SLC35F1: variants seen among roughly 807,000 people sequenced by gnomAD.
SLC35F1 encodes the protein solute carrier family 35 member F1, also known as chromosome 6 open reading frame 169.
SLC35F1 carries 14 observed loss-of-function variants against 48.7 expected under a neutral mutation model. The observed-to-expected ratio is 0.29, with a 90% CI of 0.19 to 0.45. The LOEUF (loss-of-function observed/expected upper bound fraction) is 0.45, where lower values mean the gene tolerates loss of function less well. Among genes scored for constraint, SLC35F1 ranks in the 20% least tolerant of loss-of-function variants. SLC35F1 has a pLI of 1.00. For synonymous variants in SLC35F1, 190 were observed against 202.2 expected (o/e 0.94, Z 0.51); for missense variants, 404 against 500.0 (o/e 0.81, Z 1.83).
intron 3 of SLC35F1, among the ~76,000 whole-genome samples, chr6:118,259,004 T>C (rs1273532401): frequency 2.0e-5 from 3 of 151,810 alleles, no homozygotes; most frequent in African/African-American, 7.2e-5. Flanking sequence ...AATGAGCTTA[T>C]AAATAAATAT....
intron 1 of SLC35F1, among the ~76,000 whole-genome samples, chr6:117,942,287 A>G (rs1776242860): frequency 6.6e-6 from 1 of 152,166 alleles, no homozygotes; most frequent in African/African-American, 2.4e-5. Flanking sequence ...AATTACATAG[A>G]CACTGAGAGC....
intron 1 of SLC35F1, among the ~76,000 whole-genome samples, chr6:118,145,237 T>G (rs961197508): frequency 1.3e-5 from 2 of 152,214 alleles, no homozygotes; most frequent in African/African-American, 4.8e-5. Flanking sequence ...CTTTTCTGAC[T>G]GGCTTCTTTC....
intron 1 of SLC35F1, among the ~76,000 whole-genome samples, chr6:118,035,066 A>G (rs1223861998): frequency 6.6e-6 from 1 of 152,202 alleles, no homozygotes. Flanking sequence ...TTTAATAGAT[A>G]CAGGGCTCTT....
In SLC35F1 at chr6:117,923,792, TAC is replaced by T. The variant is rs1405711493; in HGVS notation, c.173+15895_173+15896del. On this transcript the variant is annotated intron_variant, in intron 1 of 7. Coordinates refer to ENST00000360388, the MANE Select transcript of SLC35F1 (RefSeq NM_001029858.4). ...ATACATATGTATATATACATATATG[TAC>T]ATATATACATATACACATACATATG... Among the ~76,000 whole-genome samples the T allele has an allele frequency of 8.9e-4, 70 of 78,758 alleles. 2 individuals are homozygous for T. The highest frequency in any genetic ancestry group is 4.2e-3 in the African/African-American group (65 of 15,646). 51.7% of individuals were successfully genotyped at this position (78,758 alleles called of 152,430 possible).
chr6:118,041,223 G>C (rs1772215006), intron 1 of SLC35F1, among the ~76,000 whole-genome samples: 1 of 152,076 alleles, frequency 6.6e-6, no homozygotes, highest in Non-Finnish European at 1.5e-5. Flanking sequence ...TTATAAAGGA[G>C]GTTGAATATT....
chr6:118,019,253 A>G (rs1777360976), intron 1 of SLC35F1, among the ~76,000 whole-genome samples: 1 of 151,912 alleles, frequency 6.6e-6, no homozygotes, highest in African/African-American at 2.4e-5. Flanking sequence ...ATCTATATAT[A>G]TTTTATATAG....
At chr6:118,256,618 TAAACCATCAGCTTCCCTTGAAAAC>T (rs980102364) in intron 3 of SLC35F1, among the ~76,000 whole-genome samples, 9 of 152,296 alleles carry the variant, frequency 5.9e-5, no homozygotes, top group South Asian at 2.1e-4. Context: ...CTTTTTAAAA[TAAACCATCAGCTTCCCTTGAAAAC>T]AAACCATCAG....
chr6:118,168,888 G>GT (rs1240650681), intron 2 of SLC35F1, among the ~76,000 whole-genome samples: 1 of 152,144 alleles, frequency 6.6e-6, no homozygotes, highest in African/African-American at 2.4e-5. Flanking sequence ...AGATATCAGG[G>GT]TTCATGGGCT....
At chr6:118,117,700 T>A (rs2114395263) in intron 1 of SLC35F1, among the ~76,000 whole-genome samples, 1 of 152,250 alleles carries the variant, frequency 6.6e-6, no homozygotes, top group African/African-American at 2.4e-5. Context: ...AATATTTTCA[T>A]CCCCCTAAAA....
chr6:118,252,875 A>C (rs1017985180), intron 3 of SLC35F1, among the ~76,000 whole-genome samples: 1 of 152,184 alleles, frequency 6.6e-6, no homozygotes, highest in African/African-American at 2.4e-5. Flanking sequence ...TCAGACACTC[A>C]GGATTCAGAC....
chr6:117,995,311 TA>T (rs1776970409), intron 1 of SLC35F1, among the ~76,000 whole-genome samples: 2 of 152,216 alleles, frequency 1.3e-5, no homozygotes, highest in Non-Finnish European at 2.9e-5. Flanking sequence ...AATGTTTTGC[TA>T]AATACCAATG....
chr6:117,919,653 A>G (rs183456158), intron 1 of SLC35F1, among the ~76,000 whole-genome samples: 56 of 152,322 alleles, frequency 3.7e-4, no homozygotes, highest in Non-Finnish European at 3.4e-4. Flanking sequence ...TAGGCTGTTT[A>G]CTTCAATGTG....
intron 6 of SLC35F1, among the ~76,000 whole-genome samples, chr6:118,279,267 A>T (rs1418937633): frequency 6.6e-6 from 1 of 152,226 alleles, no homozygotes; most frequent in Non-Finnish European, 1.5e-5. Flanking sequence ...TATCACATGT[A>T]CCTCATAAAT....
chr6:118,214,693 G>T (rs1488017315), intron 2 of SLC35F1, among the ~76,000 whole-genome samples: 1 of 152,050 alleles, frequency 6.6e-6, no homozygotes, highest in Non-Finnish European at 1.5e-5. Flanking sequence ...GGGTCCAGGT[G>T]GATAAATTTG....
intron 2 of SLC35F1, among the ~76,000 whole-genome samples, chr6:118,190,704 A>G (rs151286152): frequency 1.3e-5 from 2 of 152,294 alleles, no homozygotes; most frequent in African/African-American, 4.8e-5. Flanking sequence ...GGGTTCTACT[A>G]TTGTGACTAT....
intron 1 of SLC35F1, among the ~76,000 whole-genome samples, chr6:117,953,733 G>A (rs918876226): frequency 3.3e-5 from 5 of 152,142 alleles, no homozygotes; most frequent in African/African-American, 1.2e-4. Flanking sequence ...GTCCCCAAGT[G>A]GTTCTGGACC....
intron 1 of SLC35F1, among the ~76,000 whole-genome samples, chr6:118,148,001 A>G (rs1452956027): frequency 1.3e-5 from 2 of 152,332 alleles, no homozygotes; most frequent in African/African-American, 4.8e-5. Context: ...CCTTTCAGCA[A>G]AGAGCTTATA....
chr6:118,200,416 A>G (rs1774859942), intron 2 of SLC35F1, among the ~76,000 whole-genome samples: 2 of 152,258 alleles, frequency 1.3e-5, no homozygotes, highest in East Asian at 1.9e-4. Flanking sequence ...TTCTGGCTAC[A>G]CCAACTTGAC....
chr6:117,964,976 G>A (rs1261040717), intron 1 of SLC35F1, among the ~76,000 whole-genome samples: 1 of 152,162 alleles, frequency 6.6e-6, no homozygotes, highest in African/African-American at 2.4e-5. Context: ...CGGAAGAGGA[G>A]TTGGCCAACA....
Sources: allele counts gnomAD v4.1 joint callset (sites outside exome capture counted in the v4.1 genomes callset), GRCh38; gene constraint gnomAD v4.1.1; transcripts MANE v1.5; gene names NCBI Gene and HGNC (gene_info 2026-07-23, HGNC 2026-07-21).